Variants in IQCK observed in about 807,000 individuals in gnomAD.
IQCK encodes the protein IQ motif containing K.
A neutral mutation model predicts 28.1 loss-of-function variants in IQCK; 29 were observed. The observed-to-expected ratio is 1.03, with a 90% CI of 0.77 to 1.41. The LOEUF is 1.41. Among genes scored for constraint, IQCK ranks in the 40% most tolerant of loss-of-function variants. The pLI is 0.00. For synonymous variants in IQCK, 113 were observed against 115.1 expected (o/e 0.98, Z 0.12); for missense variants, 359 against 314.7 (o/e 1.14, Z -1.07).
At chr16:19,755,080 T>A (rs1360725590) in intron 4 of IQCK, among the ~76,000 whole-genome samples, 1 of 152,232 alleles carries the variant, frequency 6.6e-6, no homozygotes, top group Non-Finnish European at 1.5e-5. Flanking sequence ...GGCATCTGGT[T>A]ATAGGCCAAG....
At chr16:19,773,071 T>C (rs564198549) in intron 6 of IQCK, among the ~76,000 whole-genome samples, 1 of 152,128 alleles carries the variant, frequency 6.6e-6, no homozygotes. Context: ...CACTTGATAG[T>C]GTAGGAGATG....
intron 7 of IQCK, among the ~76,000 whole-genome samples, chr16:19,814,105 G>A (rs1029567864): frequency 9.2e-5 from 14 of 151,494 alleles, no homozygotes; most frequent in African/African-American, 3.1e-4. Context: ...CTGTAATCCC[G>A]GCTACTCAGG....
chr16:19,846,270 G>T (rs2056414673), intron 9 of IQCK, among the ~76,000 whole-genome samples: 1 of 152,186 alleles, frequency 6.6e-6, no homozygotes. Context: ...TTCAAAGCCG[G>T]AGCTGCCTTC....
chr16:19,847,586 T>A (rs2056428330), intron 9 of IQCK, among the ~76,000 whole-genome samples: 1 of 152,220 alleles, frequency 6.6e-6, no homozygotes, highest in Non-Finnish European at 1.5e-5. Flanking sequence ...TGAACTCCTT[T>A]GTGTCTGGCG....
At chr16:19,756,503 C>T (rs1029233335) in intron 4 of IQCK, among the ~76,000 whole-genome samples, 48 of 152,144 alleles carry the variant, frequency 3.2e-4, no homozygotes, top group African/African-American at 1.0e-3. Flanking sequence ...AATCTCATCT[C>T]CAGTGTGATG....
chr16:19,825,452 G>A lies in IQCK; in HGVS notation c.691-1574G>A, dbSNP rs1433440015. ...GGAGAATTGCTTGAACCCGGGAAGT[G>A]GAGGTTGCAGTGAGCTGAGATTGCA... is the stretch of plus-strand genomic sequence containing the variant. On this transcript the variant is annotated intron_variant, in intron 7 of 7. Transcript: ENST00000564186. This position sits in a 1 kb window ranked among gnomAD's most constrained non-coding sequence, Gnocchi z 4.2. 2.0e-5 allele frequency among the ~76,000 whole-genome samples: 3 copies of A among 152,022 alleles called. No homozygotes were observed. The highest frequency in any genetic ancestry group is 4.4e-5 in the Non-Finnish European group (3 of 68,012).
chr16:19,782,489 ATGGTGGTG>A (rs2055501296), intron 6 of IQCK, among the ~76,000 whole-genome samples: 1 of 151,980 alleles, frequency 6.6e-6, no homozygotes, highest in South Asian at 2.1e-4. Context: ...TTAGCTGGGA[ATGGTGGTG>A]TGTACCTGTA....
chr16:19,822,475 A>T (rs568954265), intron 7 of IQCK, among the ~76,000 whole-genome samples: 1 of 152,164 alleles, frequency 6.6e-6, no homozygotes, highest in Non-Finnish European at 1.5e-5. Context: ...GATAGATATT[A>T]TTCAGGAATA....
At chr16:19,827,200 C>G (rs752460342), downstream of IQCK, 4 of 1,190,428 alleles carry the variant, frequency 3.4e-6, no homozygotes, top group Non-Finnish European at 5.0e-6. Flanking sequence ...ATTCCAGGCT[C>G]AAGAAGGAGG....
At chr16:19,784,035 C>G (rs2055529613) in intron 6 of IQCK, among the ~76,000 whole-genome samples, 1 of 152,168 alleles carries the variant, frequency 6.6e-6, no homozygotes, top group African/African-American at 2.4e-5. Flanking sequence ...AAAATTGCCG[C>G]TGAACAGAAA....
At chr16:19,761,927 A>G (rs2055151646) in intron 4 of IQCK, 1 of 154,128 alleles carries the variant, frequency 6.5e-6, no homozygotes, top group Non-Finnish European at 1.4e-5. Flanking sequence ...GGCTCTTTCT[A>G]TCCCCTGCTT....
At chr16:19,739,629 A>G (rs1238040877) in intron 4 of IQCK, among the ~76,000 whole-genome samples, 2 of 152,310 alleles carry the variant, frequency 1.3e-5, no homozygotes, top group East Asian at 3.9e-4. Context: ...ACCCTGGGTA[A>G]CATGCCAAAA....
At chr16:19,839,920 C>T (rs913808549) in intron 9 of IQCK, among the ~76,000 whole-genome samples, 6 of 151,626 alleles carry the variant, frequency 4.0e-5, no homozygotes, top group African/African-American at 1.5e-4. Flanking sequence ...TCTTAAAGCT[C>T]AGGAGGTTGA....
intron 1 of IQCK, among the ~76,000 whole-genome samples, chr16:19,721,115 C>G (rs925325646): frequency 1.3e-5 from 2 of 151,970 alleles, no homozygotes; most frequent in Non-Finnish European, 2.9e-5. Context: ...TCTTAAACAT[C>G]TAACAAATGC....
At chr16:19,827,338 C>T (rs1597593801), downstream of IQCK, 2 of 585,890 alleles carry the variant, frequency 3.4e-6, no homozygotes, top group Non-Finnish European at 6.1e-6. Flanking sequence ...GGCCATTTCT[C>T]TCCCACAGGG....
chr16:19,760,221 T>C (rs1215141748), intron 4 of IQCK, among the ~76,000 whole-genome samples: 1 of 152,220 alleles, frequency 6.6e-6, no homozygotes, highest in Non-Finnish European at 1.5e-5. Flanking sequence ...GGTTAACTGA[T>C]TGGAGAAGAC....
chr16:19,735,638 ATCTG>A (rs1977990434), intron 4 of IQCK, 188 bp downstream of exon 4: 1 of 579,242 alleles, frequency 1.7e-6, no homozygotes, highest in Non-Finnish European at 3.1e-6. Context: ...ATGCGCTGCC[ATCTG>A]TCTGGCCACT....
At chr16:19,727,867 G>T (rs1383677812) in intron 1 of IQCK, among the ~76,000 whole-genome samples, 1 of 152,050 alleles carries the variant, frequency 6.6e-6, no homozygotes, top group Admixed American at 6.6e-5. Context: ...GAAAAAAATG[G>T]TAGAGCTTGG....
At chr16:19,738,094 A>G (rs1470178072) in intron 4 of IQCK, among the ~76,000 whole-genome samples, 2 of 152,260 alleles carry the variant, frequency 1.3e-5, no homozygotes, top group South Asian at 2.1e-4. Context: ...CTCCCCCTGT[A>G]TTTTAAGTTC....
Sources: allele counts gnomAD v4.1 joint callset (sites outside exome capture counted in the v4.1 genomes callset), GRCh38; gene constraint gnomAD v4.1.1; non-coding constraint Gnocchi (gnomAD v3.1); transcripts MANE v1.5; gene names NCBI Gene and HGNC (gene_info 2026-07-23, HGNC 2026-07-21).